KIF26B: variants seen among roughly 807,000 people sequenced by gnomAD.
The protein encoded by KIF26B is kinesin-like protein KIF26B.
In KIF26B, 63 loss-of-function variants were observed where a neutral mutation model predicts 151.2. The observed-to-expected ratio is 0.42, with a 90% CI of 0.34 to 0.51. The LOEUF (loss-of-function observed/expected upper bound fraction) is 0.51. KIF26B is among the 20% of genes least tolerant of loss of function. The pLI is 0.07. For missense variants in KIF26B, 2,813 were observed against 2,913.6 expected, an observed-to-expected ratio of 0.97 and a Z score of 0.79; for synonymous variants, 1,357 against 1,262.1, an observed-to-expected ratio of 1.08 and a Z score of -1.59.
intron 3 of KIF26B, among the ~76,000 whole-genome samples, chr1:245,369,193 G>GAC (rs1308690391): frequency 1.2e-3 from 171 of 145,678 alleles, no homozygotes; most frequent in African/African-American, 4.6e-3. Context: ...GAGAGAGAGA[G>GAC]AGAGACAGAC....
chr1:245,320,183 G>C (rs1406388029), intron 2 of KIF26B, among the ~76,000 whole-genome samples: 2 of 152,224 alleles, frequency 1.3e-5, no homozygotes, highest in African/African-American at 4.8e-5. Flanking sequence ...GCTCAGAACA[G>C]CAATGTGCCG....
chr1:245,304,699 C>CCATCCATCCATCCATCCATCCA (rs1553342834), intron 2 of KIF26B, among the ~76,000 whole-genome samples: 65 of 150,552 alleles, frequency 4.3e-4, no homozygotes, highest in Admixed American at 7.9e-4. Flanking sequence ...ACGTCCATCC[C>CCATCCATCCATCCATCCATCCA]TCCATCCATC....
Position 245,248,047 on chromosome 1 carries a change from C to T in KIF26B, c.465+91364C>T, listed in dbSNP as rs111972430. On this transcript the variant is annotated intron_variant, in intron 2 of 14. Transcript: ENST00000407071. ...ACAGCACCAACAGTGCCAACACGGC[C>T]GTGCACATCCAAATGGCTTCATTAT... 7.7e-4 allele frequency among the ~76,000 whole-genome samples: 117 copies of T among 151,948 alleles called. 1 individual carries two copies. Among genetic ancestry groups the T allele is most frequent in the African/African-American group, 2.5e-3 (104 of 41,428 alleles).
At chr1:245,590,130 G>T (rs1180954447) in intron 5 of KIF26B, among the ~76,000 whole-genome samples, 2 of 152,070 alleles carry the variant, frequency 1.3e-5, no homozygotes, top group South Asian at 2.1e-4. Flanking sequence ...CGCGGGGTCG[G>T]GGGGTGGGGG....
intron 2 of KIF26B, among the ~76,000 whole-genome samples, chr1:245,361,723 C>T (rs1014721847): frequency 2.0e-4 from 31 of 152,206 alleles, no homozygotes; most frequent in Non-Finnish European, 2.9e-5. Context: ...GTTATTTTGG[C>T]TGTCTCAGGC....
At chr1:245,180,347 A>C (rs2103527085) in intron 2 of KIF26B, among the ~76,000 whole-genome samples, 1 of 152,080 alleles carries the variant, frequency 6.6e-6, no homozygotes, top group South Asian at 2.1e-4. Context: ...ATTGGAGTCC[A>C]GGGAGTCTGC....
chr1:245,400,487 A>G (rs1003169073), intron 3 of KIF26B, among the ~76,000 whole-genome samples: 1 of 108,408 alleles, frequency 9.2e-6, no homozygotes, highest in Non-Finnish European at 2.0e-5. Flanking sequence ...ATAGATAGTG[A>G]GTTTTTTTTT....
At position 245,648,641 on chromosome 1, in the gene KIF26B, A is replaced by T. The variant is rs184361726; in HGVS notation, c.2258+2361A>T. On this transcript the variant is annotated intron_variant, in intron 10 of 14. Coordinates refer to ENST00000407071, the MANE Select transcript of KIF26B (RefSeq NM_018012.4). Reference sequence around the variant, plus strand: ...GAGTGAGACCCTGTCTCAAAAAAAAAAAAATAAATGAAAGTTTGTATTAAT... The same window carrying T: ...GAGTGAGACCCTGTCTCAAAAAAAATAAAATAAATGAAAGTTTGTATTAAT... 1.4e-4 allele frequency among the ~76,000 whole-genome samples: 21 copies of T among 152,120 alleles called. 1 individual carries two copies. Among genetic ancestry groups the T allele is most frequent in the Admixed American group, 1.3e-3 (20 of 15,290 alleles).
intron 9 of KIF26B, among the ~76,000 whole-genome samples, chr1:245,638,871 G>A (rs1196130794): frequency 6.6e-6 from 1 of 151,666 alleles, no homozygotes; most frequent in Non-Finnish European, 1.5e-5. Flanking sequence ...TTAATATATT[G>A]CTGTCTTCTG....
intron 4 of KIF26B, among the ~76,000 whole-genome samples, chr1:245,431,824 C>T (rs376934424): frequency 3.3e-5 from 5 of 152,164 alleles, no homozygotes; most frequent in East Asian, 3.9e-4. Flanking sequence ...ACTAAAATAT[C>T]GCTTTCAGTC....
At chr1:245,679,304 GAT>G (rs1250888638) in intron 10 of KIF26B, among the ~76,000 whole-genome samples, 4 of 152,066 alleles carry the variant, frequency 2.6e-5, no homozygotes, top group African/African-American at 9.7e-5. Context: ...GTGCCTGAGT[GAT>G]AACATGCTCT....
Position 245,464,409 on chromosome 1 carries a change from G to A in KIF26B, c.1166+44664G>A, listed in dbSNP as rs557648061. On this transcript the variant is annotated intron_variant, in intron 4 of 14. Coordinates refer to ENST00000407071, the MANE Select transcript of KIF26B (RefSeq NM_018012.4). ...TGTGTGTGTGTGGGTGTGTGCGTAT[G>A]TGGGGGTGTGTGTGGGTGTGTGCAT... Among the ~76,000 whole-genome samples the A allele has an allele frequency of 8.0e-5, 12 of 150,556 alleles. No homozygotes were observed. In the South Asian group the frequency reaches 2.3e-3, roughly 29 times the overall value.
intron 2 of KIF26B, among the ~76,000 whole-genome samples, chr1:245,258,455 A>C (rs1240062040): frequency 6.6e-6 from 1 of 152,206 alleles, no homozygotes; most frequent in Non-Finnish European, 1.5e-5. Context: ...CCTTTGCTGA[A>C]TGCCGTGGGC....
chr1:245,275,560 TC>T (rs1390998328), intron 2 of KIF26B, among the ~76,000 whole-genome samples: 1 of 152,198 alleles, frequency 6.6e-6, no homozygotes, highest in Admixed American at 6.5e-5. Flanking sequence ...TAGCCAGTTT[TC>T]CCAACACCAT....
chr1:245,278,438 A>C (rs1039833608), intron 2 of KIF26B, among the ~76,000 whole-genome samples: 3 of 152,158 alleles, frequency 2.0e-5, no homozygotes, highest in African/African-American at 7.2e-5. Context: ...ATTACTTTGC[A>C]TTCAGAATTT....
At chr1:245,501,974 A>G (rs951498909) in intron 4 of KIF26B, among the ~76,000 whole-genome samples, 1 of 152,178 alleles carries the variant, frequency 6.6e-6, no homozygotes, top group Non-Finnish European at 1.5e-5. Flanking sequence ...TCACCATCCA[A>G]AGTTTTCATA....
At chr1:245,303,365 AT>A (rs1255355305) in intron 2 of KIF26B, among the ~76,000 whole-genome samples, 1 of 150,098 alleles carries the variant, frequency 6.7e-6, no homozygotes, top group Non-Finnish European at 1.5e-5. Flanking sequence ...CGCCCGGCTA[AT>A]TTTTTGTATT....
chr1:245,581,721 A>G (rs1231881075), intron 5 of KIF26B, among the ~76,000 whole-genome samples: 1 of 152,138 alleles, frequency 6.6e-6, no homozygotes, highest in Non-Finnish European at 1.5e-5. Flanking sequence ...AACTTTGTAT[A>G]TCACTTTACC....
chr1:245,609,133 T>G, intron 7 of KIF26B, 133 bp from the exon 8 acceptor site: 1 of 806,656 alleles, frequency 1.2e-6, no homozygotes, highest in Non-Finnish European at 1.9e-6. Flanking sequence ...TTCTCTCATC[T>G]TTTTGTTCCT....
Sources: allele counts gnomAD v4.1 joint callset (sites outside exome capture counted in the v4.1 genomes callset), GRCh38; gene constraint gnomAD v4.1.1; transcripts MANE v1.5; gene names NCBI Gene and HGNC (gene_info 2026-07-23, HGNC 2026-07-21).